PIGS: variants seen among roughly 807,000 people sequenced by gnomAD.
The protein encoded by PIGS is phosphatidylinositol glycan anchor biosynthesis class S.
In PIGS, 37 loss-of-function variants were observed where a neutral mutation model predicts 58.2. The ratio of observed to expected loss-of-function variants is 0.64; its 90% CI spans 0.49 to 0.84. The LOEUF is 0.84. Ranked by LOEUF, PIGS falls within the 40% of genes least tolerant of loss-of-function variation. The pLI, the probability that PIGS is intolerant of heterozygous loss-of-function variation, is 0.00. For missense variants in PIGS, 629 were observed against 710.8 expected (o/e 0.88, Z 1.31); for synonymous variants, 269 against 289.2 (o/e 0.93, Z 0.71).
At chr17:28,556,351 C>T in intron 9 of PIGS, 85 bp from the exon 10 acceptor site, 1 of 1,041,070 alleles carries the variant, frequency 9.6e-7, no homozygotes, top group Non-Finnish European at 1.5e-6. Flanking sequence ...AAAAGGAAAA[C>T]ATATTCTGTG....
In PIGS at chr17:28,558,435, A is replaced by G. The variant is rs771812648; in HGVS notation, c.934+41T>C. The G allele has an allele frequency of 1.3e-5, 20 of 1,502,592 alleles. No individual in the cohort carries two copies. In the East Asian group the frequency reaches 4.4e-4, roughly 33 times the overall value. The allele number at this position is 1,502,592 out of a possible 1,614,324, so 93.1% of individuals were successfully genotyped here. A position where few individuals can be genotyped will look rare whatever the true frequency, so the allele number is the denominator to read the frequency against. ...AGCTGAGCCGTCAGGGTCCCTCCCT[A>G]GCCTGGCAGAAAAGAAAGACCCTCA... is the stretch of plus-strand genomic sequence containing the variant. On this transcript the variant is annotated intron_variant, in intron 8 of 11. Coordinates refer to ENST00000308360, the MANE Select transcript of PIGS (RefSeq NM_033198.4).
chr17:28,553,877 C>T lies in PIGS; in HGVS notation c.*343G>A. 3.4e-6 allele frequency: 1 copy of T among 293,258 alleles called. No homozygotes were observed. Among genetic ancestry groups the T allele is most frequent in the Non-Finnish European group, 6.5e-6 (1 of 154,370 alleles). The allele number at this position is 293,258 out of a possible 1,614,324, so 18.2% of individuals were successfully genotyped here. On this transcript the variant is annotated 3_prime_UTR_variant, in exon 12 of 12. Transcript: ENST00000308360. ...CAGGGACTTTCCCATAATGCTCCCT[C>T]CTCTCAGTGCACAAGTGTGCTATGT...
chr17:28,563,431 C>G lies in PIGS; in HGVS notation c.468G>C (p.Gln156His). Reference sequence around the variant, plus strand: ...AGTCGCAGCCTCTCTGTTACCTTACCTGGGGAAGAAGTGAGGAGTGTTCAG... The same window carrying G: ...AGTCGCAGCCTCTCTGTTACCTTACGTGGGGAAGAAGTGAGGAGTGTTCAG... Reference protein sequence around the residue: ...VISEHSSLLPQDMMSYIGPKR... With the variant: ...VISEHSSLLPHDMMSYIGPKR... Residue 156 changes from glutamine (Q) to histidine (H), a missense_variant and splice_region_variant, in exon 5 of 12, where the codon CAG becomes CAC. Gln to His is a conservative substitution (Grantham distance 24, BLOSUM62 0). Transcript: ENST00000308360. 6.2e-7 allele frequency: 1 copy of G among 1,613,574 alleles called. No homozygotes were observed. Among genetic ancestry groups the G allele is most frequent in the Admixed American group, 1.7e-5 (1 of 60,008 alleles).
chr17:28,561,749 T>A, intron 5 of PIGS, 120 bp from the exon 6 acceptor site: 2 of 905,728 alleles, frequency 2.2e-6, no homozygotes, highest in Non-Finnish European at 3.3e-6. Flanking sequence ...TGCACCTCTC[T>A]TGAGATTCAT....
At chr17:28,564,876 C>A (rs993801469) in intron 3 of PIGS, among the ~76,000 whole-genome samples, 1 of 151,960 alleles carries the variant, frequency 6.6e-6, no homozygotes, top group Non-Finnish European at 1.5e-5. Context: ...CAGACCTTGT[C>A]TCAAAAAAAT....
Position 28,560,183 on chromosome 17 carries a change from T to C in PIGS, c.685A>G (p.Ile229Val). ...TCTGGGTTGAGTAAACTGAAGGTGA[T>C]CTCATAGCCTACAGAAACAGGAGTC... ...RPLKSSLGYE[I>V]TFSLLNPDPK... The change falls in exon 7 of 12, where the codon ATC becomes GTC. Residue 229 changes from isoleucine (I) to valine (V), a missense_variant. Coordinates refer to ENST00000308360, the MANE Select transcript of PIGS (RefSeq NM_033198.4). The C allele has an allele frequency of 6.2e-7, 1 of 1,611,164 alleles. No individual in the cohort carries two copies. Among genetic ancestry groups the C allele is most frequent in the Non-Finnish European group, 8.5e-7 (1 of 1,178,944 alleles).
chr17:28,555,359 T>C, intron 10 of PIGS: 1 of 368,508 alleles, frequency 2.7e-6, no homozygotes, highest in Admixed American at 4.6e-5. Flanking sequence ...ACCAACTCAG[T>C]TTAATCCTTT....
chr17:28,554,646 T>C, intron 11 of PIGS, 151 bp from the exon 12 acceptor site: 2 of 1,245,720 alleles, frequency 1.6e-6, no homozygotes, highest in South Asian at 1.4e-5. Flanking sequence ...ATATGGTTTA[T>C]TTTCCTAGGG....
Position 28,553,390 on chromosome 17 carries a change from C to T in PIGS, c.*830G>A, listed in dbSNP as rs2070301727. 1 of 152,292 alleles carries T rather than the reference C, an allele frequency of 6.6e-6. No homozygotes were observed. Among genetic ancestry groups the T allele is most frequent in the South Asian group, 2.1e-4 (1 of 4,810 alleles). The allele number at this position is 152,292 out of a possible 1,614,324, so 9.4% of individuals were successfully genotyped here. On this transcript the variant is annotated 3_prime_UTR_variant, in exon 12 of 12. Coordinates refer to ENST00000308360, the MANE Select transcript of PIGS (RefSeq NM_033198.4). The stretch of plus-strand genomic sequence containing the variant: ...AAAGAGTAGAGCTCAGACTTTGTAT[C>T]ATTCCAATTCATATTCAGCCAGTGT...
chr17:28,571,354 C>A (rs1223149184), intron 1 of PIGS, 109 bp downstream of exon 1: 1 of 1,530,178 alleles, frequency 6.5e-7, no homozygotes, highest in African/African-American at 1.4e-5. Flanking sequence ...TCTGAAGAGA[C>A]CCCCGAGCCC....
At chr17:28,565,701 G>A (rs903011134) in intron 3 of PIGS, among the ~76,000 whole-genome samples, 3 of 152,060 alleles carry the variant, frequency 2.0e-5, no homozygotes, top group African/African-American at 7.3e-5. Context: ...CCAGCTCGGG[G>A]AACACAGTGA....
intron 11 of PIGS, 34 bp from the exon 12 acceptor site, chr17:28,554,529 T>C: frequency 6.2e-7 from 1 of 1,602,798 alleles, no homozygotes; most frequent in Non-Finnish European, 8.5e-7. Context: ...GGTATACCAG[T>C]AAGTCCTAGG....
intron 3 of PIGS, among the ~76,000 whole-genome samples, chr17:28,564,246 T>C (rs893187115): frequency 6.6e-6 from 1 of 152,180 alleles, no homozygotes; most frequent in South Asian, 2.1e-4. Flanking sequence ...CCAAAATAAT[T>C]AAATTCAGTG....
intron 5 of PIGS, among the ~76,000 whole-genome samples, chr17:28,562,959 C>T (rs1222684977): frequency 6.6e-6 from 1 of 152,174 alleles, no homozygotes; most frequent in Non-Finnish European, 1.5e-5. Context: ...CCTCGGCCTC[C>T]CAAAGTGCTG....
chr17:28,562,374 G>A (rs1033782584), intron 5 of PIGS, among the ~76,000 whole-genome samples: 1 of 152,204 alleles, frequency 6.6e-6, no homozygotes, highest in African/African-American at 2.4e-5. Flanking sequence ...TGAGCTGGGG[G>A]TGGGGATGGG....
At chr17:28,566,396 T>C (rs948857528) in intron 3 of PIGS, among the ~76,000 whole-genome samples, 1 of 150,260 alleles carries the variant, frequency 6.7e-6, no homozygotes, top group Non-Finnish European at 1.5e-5. Context: ...TTTCAAGCAA[T>C]TCTCCTACCT....
intron 7 of PIGS, among the ~76,000 whole-genome samples, chr17:28,559,604 G>GTC (rs1195249346): frequency 6.6e-6 from 1 of 150,752 alleles, no homozygotes; most frequent in Non-Finnish European, 1.5e-5. Context: ...AGGAGGCTGA[G>GTC]TCAGGAGAAT....
chr17:28,561,753 G>A (rs1160527072), intron 5 of PIGS, 124 bp from the exon 6 acceptor site: 5 of 860,902 alleles, frequency 5.8e-6, no homozygotes, highest in Non-Finnish European at 8.9e-6. Context: ...CCTCTCTTGA[G>A]ATTCATGAGC....
At position 28,570,867 on chromosome 17, in the gene PIGS, CTCTT is replaced by C; in HGVS notation, c.267_270del (p.Glu91PhefsTer3). On this transcript the variant is annotated frameshift_variant, in exon 3 of 12. Coordinates refer to ENST00000308360, the MANE Select transcript of PIGS (RefSeq NM_033198.4). LOFTEE classifies it high-confidence loss of function. ...AGTAACTCACATTTCAGAGGAATCT[CTCTT>C]TCATGCACAACGGTGAAGGGCAGCT... is the stretch of plus-strand genomic sequence containing the variant. 1.2e-6 allele frequency: 2 copies of C among 1,614,242 alleles called. No individual in the cohort carries two copies. The highest frequency in any genetic ancestry group is 1.7e-6 in the Non-Finnish European group (2 of 1,180,046).
Sources: allele counts gnomAD v4.1 joint callset (sites outside exome capture counted in the v4.1 genomes callset), GRCh38; gene constraint gnomAD v4.1.1; transcripts MANE v1.5; gene names NCBI Gene and HGNC (gene_info 2026-07-23, HGNC 2026-07-21).